Variants in SASH1 observed in about 807,000 individuals in gnomAD.
SASH1 encodes the protein SAM and SH3 domain containing 1.
Under a neutral mutation model 125.2 loss-of-function variants are expected in SASH1, and 44 were observed. That is an observed-to-expected ratio of 0.35 (90% CI 0.28 to 0.45). The LOEUF is 0.45. Ranked by LOEUF, SASH1 falls within the 20% of genes least tolerant of loss-of-function variation. The pLI, the probability that SASH1 is intolerant of heterozygous loss-of-function variation, is 1.00. For missense variants in SASH1, 1,426 were observed against 1,614.5 expected (o/e 0.88, Z 2.00); for synonymous variants, 639 against 649.1 (o/e 0.98, Z 0.24).
intron 1 of SASH1, among the ~76,000 whole-genome samples, chr6:148,281,106 C>CTTTTTTTTT (rs34144143): frequency 6.1e-4 from 42 of 69,258 alleles, no homozygotes; most frequent in African/African-American, 7.8e-4. Flanking sequence ...CCATGCCTAG[C>CTTTTTTTTT]TTTTTTTTTT....
At chr6:148,471,954 C>A (rs1778141149) in intron 6 of SASH1, among the ~76,000 whole-genome samples, 1 of 152,216 alleles carries the variant, frequency 6.6e-6, no homozygotes. Flanking sequence ...GGTGTTGCCC[C>A]TGGAAACTCC....
At chr6:148,326,271 A>C (rs1780793744) in intron 1 of SASH1, among the ~76,000 whole-genome samples, 1 of 120,540 alleles carries the variant, frequency 8.3e-6, no homozygotes, top group Non-Finnish European at 1.7e-5. Flanking sequence ...CAGGTGATCC[A>C]CTTGCCTCAG....
At chr6:148,256,039 A>G in the SASH1 span, among the ~76,000 whole-genome samples, 15 of 152,182 alleles carry the variant, frequency 9.9e-5, no homozygotes, top group African/African-American at 3.6e-4. Flanking sequence ...TAGTGGTAAT[A>G]AGGGTGAATT....
At chr6:148,419,959 A>C (rs532536631) in intron 2 of SASH1, among the ~76,000 whole-genome samples, 43 of 152,322 alleles carry the variant, frequency 2.8e-4, no homozygotes, top group African/African-American at 1.0e-3. Flanking sequence ...TTTAAGAAAA[A>C]GGGAAAGTAA....
intron 2 of SASH1, among the ~76,000 whole-genome samples, chr6:148,410,099 CTTTTTTTTTTTT>C (rs869081496): frequency 1.1e-4 from 6 of 55,742 alleles, no homozygotes; most frequent in African/African-American, 1.5e-4. Flanking sequence ...CAGAGCAGTC[CTTTTTTTTTTTT>C]TTTTTTTTTT....
Position 148,532,678 on chromosome 6 carries a change from G to C in SASH1, c.1565-119G>C. The C allele has an allele frequency of 8.3e-7, 1 of 1,208,772 alleles. No homozygotes were observed. The highest frequency in any genetic ancestry group is 1.2e-6 in the Non-Finnish European group (1 of 847,236). The allele number at this position is 1,208,772 out of a possible 1,614,324, so 74.9% of individuals were successfully genotyped here. ...GCCCTGGTCCTGACAGAGGGTTGTG[G>C]CTCAAGGCTTCCTTTCTCTGGGCCT... On this transcript the variant is annotated intron_variant, in intron 13 of 19. Transcript: ENST00000367467. The surrounding 1 kb of genome is among the most constrained non-coding windows in gnomAD (Gnocchi z 4.7).
At chr6:148,473,546 G>A (rs1778209557) in intron 6 of SASH1, among the ~76,000 whole-genome samples, 1 of 152,212 alleles carries the variant, frequency 6.6e-6, no homozygotes, top group South Asian at 2.1e-4. Context: ...GAGCCACTGT[G>A]CCCGGTGCAC....
At chr6:148,210,217 T>C in the SASH1 span, among the ~76,000 whole-genome samples, 1 of 152,142 alleles carries the variant, frequency 6.6e-6, no homozygotes, top group African/African-American at 2.4e-5. Context: ...ATAAAGGAAC[T>C]GAGATTAATT....
chr6:148,432,057 T>C (rs960871546), intron 2 of SASH1, among the ~76,000 whole-genome samples: 1 of 151,406 alleles, frequency 6.6e-6, no homozygotes, highest in Non-Finnish European at 1.5e-5. Flanking sequence ...CTCACAGCAA[T>C]GTCTGCCTCC....
At chr6:148,392,050 C>T (rs1376113701) in intron 2 of SASH1, among the ~76,000 whole-genome samples, 2 of 152,078 alleles carry the variant, frequency 1.3e-5, no homozygotes, top group Non-Finnish European at 2.9e-5. Context: ...TTTGGGAGAC[C>T]GAGGCTGGCA....
chr6:148,516,407 C>T (rs1780439345), intron 9 of SASH1, among the ~76,000 whole-genome samples: 2 of 152,194 alleles, frequency 1.3e-5, no homozygotes, highest in Non-Finnish European at 2.9e-5. Flanking sequence ...CTCTGAGGGT[C>T]CTCACTGGCA....
At chr6:148,234,025 T>A in the SASH1 span, among the ~76,000 whole-genome samples, 2 of 151,268 alleles carry the variant, frequency 1.3e-5, no homozygotes, top group African/African-American at 2.4e-5. Flanking sequence ...ACCACTTAGG[T>A]TTTTTTTGGG....
At chr6:148,540,033 A>G (rs968118858) in intron 16 of SASH1, among the ~76,000 whole-genome samples, 1 of 152,194 alleles carries the variant, frequency 6.6e-6, no homozygotes, top group African/African-American at 2.4e-5. Context: ...TCCGAAAAAC[A>G]TATGACCTAA....
At chr6:148,309,620 C>G (rs908608873) in intron 1 of SASH1, among the ~76,000 whole-genome samples, 12 of 151,664 alleles carry the variant, frequency 7.9e-5, no homozygotes, top group African/African-American at 2.9e-4. Context: ...GCTATTGTCC[C>G]CATATCCTTG....
Position 148,512,546 on chromosome 6 carries a change from C to T in SASH1, c.730-1778C>T, listed in dbSNP as rs535395003. On this transcript the variant is annotated intron_variant, in intron 8 of 19. Coordinates refer to ENST00000367467, the MANE Select transcript of SASH1 (RefSeq NM_015278.5). ...GTTGACCGCTCCAACCATTTCATCA[C>T]ATGTCAACAATCCAACCAAGTAGAA... 20 of 985,242 alleles carry T rather than the reference C, an allele frequency of 2.0e-5. 1 individual carries two copies. The African/African-American group carries it at 3.1e-4, about 15-fold the overall frequency. 61.0% of individuals were successfully genotyped at this position (985,242 alleles called of 1,614,324 possible).
intron 4 of SASH1, among the ~76,000 whole-genome samples, chr6:148,460,957 C>G (rs773374782): frequency 1.3e-5 from 2 of 152,140 alleles, no homozygotes; most frequent in Non-Finnish European, 2.9e-5. Flanking sequence ...CATGGCAATA[C>G]TTGGTGGAAT....
chr6:148,416,505 G>A (rs975562967), intron 2 of SASH1, among the ~76,000 whole-genome samples: 5 of 152,190 alleles, frequency 3.3e-5, no homozygotes, highest in African/African-American at 4.8e-5. Flanking sequence ...AGCACCATGT[G>A]TGAGATCCTG....
At chr6:148,449,564 T>G (rs1776993564) in intron 4 of SASH1, among the ~76,000 whole-genome samples, 1 of 152,146 alleles carries the variant, frequency 6.6e-6, no homozygotes, top group African/African-American at 2.4e-5. Context: ...ATTTTGTATT[T>G]TTAGCAGAGA....
chr6:148,332,245 T>C (rs1282646524), intron 1 of SASH1, among the ~76,000 whole-genome samples: 1 of 152,184 alleles, frequency 6.6e-6, no homozygotes, highest in Non-Finnish European at 1.5e-5. Context: ...TGTTTTAACC[T>C]ATCAGTCTTT....
Sources: gnomAD v4.1 joint callset for allele counts (sites outside exome capture counted in the v4.1 genomes callset) on GRCh38, gnomAD v4.1.1 for gene constraint, Gnocchi (gnomAD v3.1) non-coding constraint, MANE v1.5 for transcripts, NCBI Gene and HGNC (gene_info 2026-07-23, HGNC 2026-07-21) for gene names.